The following RPRD2 variants were observed in gnomAD, a reference collection of about 807,000 sequenced individuals.
The protein encoded by RPRD2 is regulation of nuclear pre-mRNA domain-containing protein 2.
Under a neutral mutation model 104.4 loss-of-function variants are expected in RPRD2, and 12 were observed. The ratio of observed to expected loss-of-function variants is 0.11; its 90% CI spans 0.07 to 0.19. RPRD2 has a LOEUF of 0.19. Ranked by LOEUF, RPRD2 falls within the 10% of genes least tolerant of loss-of-function variation. The pLI is 1.00. For missense variants in RPRD2, 1,543 were observed against 1,790.1 expected, an observed-to-expected ratio of 0.86 and a Z score of 2.49; for synonymous variants, 714 against 684.9, an observed-to-expected ratio of 1.04 and a Z score of -0.66.
At chr1:150,448,254 C>T (rs1666928738) in intron 7 of RPRD2, among the ~76,000 whole-genome samples, 1 of 152,112 alleles carries the variant, frequency 6.6e-6, no homozygotes. Flanking sequence ...CTGCAACCTC[C>T]ACCTCCTAGG....
intron 1 of RPRD2, among the ~76,000 whole-genome samples, chr1:150,410,824 G>GTCT (rs1663840175): frequency 6.6e-6 from 1 of 152,192 alleles, no homozygotes; most frequent in Non-Finnish European, 1.5e-5. Context: ...CACAGTTCTA[G>GTCT]AGGTTGCAGA....
rs1666381101 is a variant in RPRD2, at chr1:150,441,139, C to T, written c.436+116C>T. On this transcript the variant is annotated intron_variant, in intron 3 of 10. Transcript: ENST00000369068. ...GAAAAATTAAGTTTTGAATCTAGCC[C>T]TATTTGTTTAAAGTTAAATATTTAT... 5.5e-6 allele frequency: 3 copies of T among 541,106 alleles called. No homozygotes were observed. The South Asian group carries it at 9.1e-5, about 16-fold the overall frequency. 33.5% of individuals were successfully genotyped at this position (541,106 alleles called of 1,614,324 possible). A position where few individuals can be genotyped will look rare whatever the true frequency, so the allele number is the denominator to read the frequency against.
At position 150,430,785 on chromosome 1, in the gene RPRD2, C is replaced by T. The variant is rs1384334884; in HGVS notation, c.336-10138C>T. Among the ~76,000 whole-genome samples the T allele has an allele frequency of 2.6e-5, 4 of 151,866 alleles. No homozygotes were observed. The East Asian group carries it at 5.8e-4, about 22-fold the overall frequency. On this transcript the variant is annotated intron_variant, in intron 2 of 10. Transcript: ENST00000369068. ...TCTCTACTAAAAATACAAAATTAGC[C>T]GGACCTGGTGGCGCATGCCTGTAAT...
chr1:150,452,884 G>A (rs1406744817), intron 7 of RPRD2, among the ~76,000 whole-genome samples: 1 of 151,716 alleles, frequency 6.6e-6, no homozygotes, highest in Non-Finnish European at 1.5e-5. Flanking sequence ...TGGCCAGGCT[G>A]GTCTCAAACT....
rs141574752 is a variant in RPRD2 at position 150,364,475 on chromosome 1, T to C, written c.-240T>C. Among the ~76,000 whole-genome samples, 743 of 152,122 alleles carry C rather than the reference T, an allele frequency of 4.9e-3. 5 individuals are homozygous for C. The highest frequency in any genetic ancestry group is 0.017 in the African/African-American group (700 of 41,516). ...TTTAAACACGACCCCTTGAACAATA[T>C]TGATAAAACCTCCGAGACCCGCAGC... On this transcript the variant is annotated 5_prime_UTR_variant, in exon 1 of 11. Transcript: ENST00000369068.
At chr1:150,433,092 A>G (rs1217646101) in intron 2 of RPRD2, among the ~76,000 whole-genome samples, 5 of 152,094 alleles carry the variant, frequency 3.3e-5, no homozygotes, top group Non-Finnish European at 7.3e-5. Flanking sequence ...ATTACACACT[A>G]TATCAACATA....
intron 7 of RPRD2, among the ~76,000 whole-genome samples, chr1:150,456,647 G>C (rs1480217768): frequency 1.3e-5 from 2 of 151,050 alleles, no homozygotes; most frequent in Non-Finnish European, 2.9e-5. Flanking sequence ...AAAAGCAGCC[G>C]AGCACGGTGA....
intron 10 of RPRD2, 127 bp downstream of exon 10, chr1:150,464,854 T>G (rs587674383): frequency 1.3e-5 from 5 of 386,394 alleles, no homozygotes; most frequent in African/African-American, 1.1e-4. Flanking sequence ...ATTATTCTTT[T>G]TATTTATTTA....
chr1:150,425,722 A>G (rs587707576), intron 2 of RPRD2, among the ~76,000 whole-genome samples: 3 of 152,238 alleles, frequency 2.0e-5, no homozygotes, highest in African/African-American at 7.2e-5. Context: ...TGATATAATT[A>G]GGGGCAAAGA....
intron 6 of RPRD2, among the ~76,000 whole-genome samples, chr1:150,444,611 T>G (rs1330423324): frequency 6.6e-6 from 1 of 152,198 alleles, no homozygotes; most frequent in Admixed American, 6.5e-5. Flanking sequence ...GTATTTCACA[T>G]GTATGGTTAA....
At chr1:150,429,184 C>G (rs1665382934) in intron 2 of RPRD2, among the ~76,000 whole-genome samples, 1 of 151,486 alleles carries the variant, frequency 6.6e-6, no homozygotes, top group Non-Finnish European at 1.5e-5. Flanking sequence ...CCTTTGCTTC[C>G]CGGGTTCAAG....
chr1:150,371,860 T>C (rs587712973), intron 1 of RPRD2, among the ~76,000 whole-genome samples: 13 of 152,316 alleles, frequency 8.5e-5, no homozygotes, highest in African/African-American at 3.1e-4. Flanking sequence ...TTATTCAAGA[T>C]TTAGACTATA....
chr1:150,457,989 T>G (rs1404233932), intron 8 of RPRD2, among the ~76,000 whole-genome samples: 1 of 152,134 alleles, frequency 6.6e-6, no homozygotes, highest in Non-Finnish European at 1.5e-5. Flanking sequence ...GAGAATCGCT[T>G]GAACCTGAGA....
chr1:150,395,399 G>GTGTGTGTGTGTGTGTGTGTA (rs1461510229), intron 1 of RPRD2, among the ~76,000 whole-genome samples: 1 of 151,576 alleles, frequency 6.6e-6, no homozygotes, highest in African/African-American at 2.4e-5. Context: ...GTGTGTGTGT[G>GTGTGTGTGTGTGTGTGTGTA]TATACACATC....
At chr1:150,411,198 G>C (rs1414971585) in intron 1 of RPRD2, among the ~76,000 whole-genome samples, 2 of 152,148 alleles carry the variant, frequency 1.3e-5, no homozygotes, top group East Asian at 3.9e-4. Context: ...AGTGGCTCAT[G>C]CCTGTAATCC....
At chr1:150,387,468 A>C (rs373766049) in intron 1 of RPRD2, among the ~76,000 whole-genome samples, 2 of 149,468 alleles carry the variant, frequency 1.3e-5, no homozygotes, top group East Asian at 2.0e-4. Flanking sequence ...ACTGGGTTGC[A>C]GGTGAAACTG....
Position 150,443,701 on chromosome 1 carries a change from G to A in RPRD2, c.567+418G>A, listed in dbSNP as rs189693373. Reference sequence around the variant, plus strand: ...ATTAGCTTTGTGTAATGAAGGAAAAGGATCTTTTAAAGTCTGTAACTAGGC... The same window carrying A: ...ATTAGCTTTGTGTAATGAAGGAAAAAGATCTTTTAAAGTCTGTAACTAGGC... On this transcript the variant is annotated intron_variant, in intron 5 of 10. Transcript: ENST00000369068. Among the ~76,000 whole-genome samples, 571 of 152,240 alleles carry A rather than the reference G, an allele frequency of 3.8e-3. 6 individuals carry two copies. The highest frequency in any genetic ancestry group is 0.013 in the African/African-American group (549 of 41,538).
rs1259516894 is a variant in RPRD2 at position 150,473,425 on chromosome 1, T to G, written c.*91T>G. On this transcript the variant is annotated 3_prime_UTR_variant, in exon 11 of 11. Coordinates refer to ENST00000369068, the MANE Select transcript of RPRD2 (RefSeq NM_015203.5). The stretch of plus-strand genomic sequence containing the variant: ...GTTGTTGTTTTTATTTGTTTTCTCT[T>G]TCTCGATTTTTTTTTTATTATAACA... 7 of 1,332,046 alleles carry G rather than the reference T, an allele frequency of 5.3e-6. No individual in the cohort carries two copies. The highest frequency in any genetic ancestry group is 1.5e-5 in the African/African-American group (1 of 68,466). The allele number at this position is 1,332,046 out of a possible 1,614,324, so 82.5% of individuals were successfully genotyped here.
At chr1:150,423,117 A>G (rs1386333415) in intron 2 of RPRD2, among the ~76,000 whole-genome samples, 1 of 152,184 alleles carries the variant, frequency 6.6e-6, no homozygotes, top group Non-Finnish European at 1.5e-5. Flanking sequence ...GGTATTTGCC[A>G]TTTGTGTCCT....
Sources: allele counts gnomAD v4.1 joint callset (sites outside exome capture counted in the v4.1 genomes callset), GRCh38; gene constraint gnomAD v4.1.1; transcripts MANE v1.5; gene names NCBI Gene and HGNC (gene_info 2026-07-23, HGNC 2026-07-21).